Variants in HEMK2 observed in about 807,000 individuals in gnomAD.
HEMK2 encodes the protein methyltransferase HEMK2.
chr21:28,840,247 GA>G, the HEMK2 span, among the ~76,000 whole-genome samples: 1 of 152,120 alleles, frequency 6.6e-6, no homozygotes, highest in Middle Eastern at 3.2e-3. Context: ...CCTAAGACCT[GA>G]AACTATAAAA....
the HEMK2 span, among the ~76,000 whole-genome samples, chr21:28,713,864 T>G: frequency 2.0e-5 from 3 of 152,220 alleles, no homozygotes; most frequent in African/African-American, 7.2e-5. Context: ...GGTATATGGT[T>G]CATCATTTTA....
At chr21:28,839,000 T>TATATATATATATATATATATATATATAC in the HEMK2 span, among the ~76,000 whole-genome samples, 1 of 58,014 alleles carries the variant, frequency 1.7e-5, no homozygotes, top group Non-Finnish European at 3.2e-5. Context: ...TATATATATA[T>TATATATATATATATATATATATATATAC]ACATATATAT....
the HEMK2 span, among the ~76,000 whole-genome samples, chr21:28,585,601 CAG>C: frequency 0.15 from 23,468 of 151,792 alleles, 1,962 homozygotes; most frequent in South Asian, 0.22. Flanking sequence ...ATTTCAAACT[CAG>C]TGGAAATATA....
the HEMK2 span, among the ~76,000 whole-genome samples, chr21:28,735,638 C>T: frequency 4.6e-5 from 7 of 152,034 alleles, no homozygotes; most frequent in East Asian, 1.9e-4. Context: ...GTTGGGGAGG[C>T]GGATTTTCTG....
the HEMK2 span, among the ~76,000 whole-genome samples, chr21:28,745,547 C>T: frequency 6.6e-6 from 1 of 152,154 alleles, no homozygotes; most frequent in Non-Finnish European, 1.5e-5. Flanking sequence ...ACCAAGAAAA[C>T]GCCCATCCAA....
the HEMK2 span, among the ~76,000 whole-genome samples, chr21:28,804,859 T>G: frequency 6.6e-6 from 1 of 152,202 alleles, no homozygotes; most frequent in African/African-American, 2.4e-5. Context: ...ACAATTACAC[T>G]ACATACCCTA....
chr21:28,792,186 G>C, the HEMK2 span, among the ~76,000 whole-genome samples: 1 of 151,976 alleles, frequency 6.6e-6, no homozygotes, highest in Non-Finnish European at 1.5e-5. Context: ...GAAAACTCAC[G>C]AATAATCAAC....
the HEMK2 span, among the ~76,000 whole-genome samples, chr21:28,840,057 A>C: frequency 1.3e-5 from 2 of 152,200 alleles, no homozygotes; most frequent in African/African-American, 4.8e-5. Flanking sequence ...CCCAGAAATA[A>C]ACCCAGATAC....
chr21:28,825,062 G>C, the HEMK2 span, among the ~76,000 whole-genome samples: 1 of 152,168 alleles, frequency 6.6e-6, no homozygotes, highest in East Asian at 1.9e-4. Flanking sequence ...AGGTTAGTTA[G>C]GAAGATCAGC....
At chr21:28,688,780 T>C in the HEMK2 span, among the ~76,000 whole-genome samples, 1 of 152,174 alleles carries the variant, frequency 6.6e-6, no homozygotes, top group East Asian at 1.9e-4. Context: ...TTTACTTTTA[T>C]ATAATATGCC....
the HEMK2 span, among the ~76,000 whole-genome samples, chr21:28,766,316 T>TA: frequency 1.1e-4 from 17 of 151,224 alleles, no homozygotes; most frequent in Admixed American, 5.9e-4. Context: ...TTTTTTTTTT[T>TA]TAAAAAAGAA....
the HEMK2 span, among the ~76,000 whole-genome samples, chr21:28,583,575 G>A: frequency 2.0e-5 from 3 of 152,134 alleles, no homozygotes; most frequent in Non-Finnish European, 4.4e-5. Context: ...TGAACACGTC[G>A]TTTCAGGTTT....
At chr21:28,589,671 T>C in the HEMK2 span, among the ~76,000 whole-genome samples, 1 of 152,192 alleles carries the variant, frequency 6.6e-6, no homozygotes, top group African/African-American at 2.4e-5. Context: ...ATCCATGTGG[T>C]ATACTAGATT....
chr21:28,603,594 T>TG, the HEMK2 span, among the ~76,000 whole-genome samples: 12 of 143,644 alleles, frequency 8.4e-5, no homozygotes, highest in African/African-American at 2.8e-4. Context: ...TGTGTGTGTG[T>TG]TTTAGGTTGC....
the HEMK2 span, among the ~76,000 whole-genome samples, chr21:28,819,301 A>G: frequency 6.6e-6 from 1 of 152,094 alleles, no homozygotes; most frequent in Non-Finnish European, 1.5e-5. Context: ...CAAAAAAAAA[A>G]AAAAAGGCCC....
the HEMK2 span, among the ~76,000 whole-genome samples, chr21:28,634,061 G>C: frequency 6.6e-6 from 1 of 152,182 alleles, no homozygotes; most frequent in East Asian, 1.9e-4. Flanking sequence ...ATGACTGACT[G>C]CCCGTGGCGT....
chr21:28,846,158 T>C, the HEMK2 span, among the ~76,000 whole-genome samples: 1 of 152,214 alleles, frequency 6.6e-6, no homozygotes, highest in Non-Finnish European at 1.5e-5. Context: ...CAGTATTCCA[T>C]GGTGTACATG....
the HEMK2 span, among the ~76,000 whole-genome samples, chr21:28,703,786 G>A: frequency 2.0e-5 from 3 of 152,074 alleles, no homozygotes; most frequent in Admixed American, 6.6e-5. Flanking sequence ...AAGTACATTC[G>A]TCCCGTGTAA....
chr21:28,605,343 C>T, the HEMK2 span, among the ~76,000 whole-genome samples: 5 of 152,228 alleles, frequency 3.3e-5, no homozygotes, highest in African/African-American at 1.2e-4. Flanking sequence ...TTCTGAAGAA[C>T]TCTCTTTGAA....
Sources: gnomAD v4.1 joint callset for allele counts (sites outside exome capture counted in the v4.1 genomes callset) on GRCh38, gnomAD v4.1.1 for gene constraint, MANE v1.5 for transcripts, NCBI Gene and HGNC (gene_info 2026-07-23, HGNC 2026-07-21) for gene names.